The following LPP variants were observed in gnomAD, a reference collection of about 807,000 sequenced individuals.
LPP encodes lipoma-preferred partner.
Under a neutral mutation model 60.4 loss-of-function variants are expected in LPP, and 38 were observed. That is an observed-to-expected ratio of 0.63 (90% CI 0.49 to 0.83). LPP has a LOEUF of 0.83. Ranked by LOEUF, LPP falls within the 40% of genes least tolerant of loss-of-function variation. The pLI is 0.00. For synonymous variants in LPP, 328 were observed against 290.8 expected (o/e 1.13, Z -1.30); for missense variants, 902 against 783.6 (o/e 1.15, Z -1.80).
Position 188,449,449 on chromosome 3 carries a change from A to G in LPP, c.194-35143A>G, listed in dbSNP as rs144918747. Among the ~76,000 whole-genome samples, 15 of 152,332 alleles carry G rather than the reference A, an allele frequency of 9.8e-5. No homozygotes were observed. The East Asian group carries it at 2.9e-3, about 29-fold the overall frequency. ...TCCACAATAATCATGCCTAACATTT[A>G]TCAGCCACTTCCCATATGCTAGGCT... is the stretch of plus-strand genomic sequence containing the variant. On this transcript the variant is annotated intron_variant, in intron 4 of 11. Coordinates refer to ENST00000617246, the MANE Select transcript of LPP (RefSeq NM_001375462.1).
At chr3:188,203,506 TATA>T (rs1731964581) in intron 1 of LPP, among the ~76,000 whole-genome samples, 1 of 72,136 alleles carries the variant, frequency 1.4e-5, no homozygotes, top group Non-Finnish European at 2.6e-5. Flanking sequence ...TATATAAATA[TATA>T]TATTTAAATA....
intron 4 of LPP, among the ~76,000 whole-genome samples, chr3:188,448,880 A>G (rs1327249587): frequency 6.6e-6 from 1 of 152,226 alleles, no homozygotes; most frequent in African/African-American, 2.4e-5. Flanking sequence ...TTAGAATTAG[A>G]ATCAGAAATG....
At chr3:188,301,283 G>A (rs1749764366) in intron 2 of LPP, among the ~76,000 whole-genome samples, 1 of 152,162 alleles carries the variant, frequency 6.6e-6, no homozygotes, top group African/African-American at 2.4e-5. Context: ...GAAAACTTAT[G>A]AATTTCTTTA....
chr3:188,462,218 C>G (rs1799116622), intron 4 of LPP, among the ~76,000 whole-genome samples: 1 of 151,480 alleles, frequency 6.6e-6, no homozygotes, highest in South Asian at 2.1e-4. Context: ...GAAAAACTAA[C>G]TTTTAAAATA....
intron 1 of LPP, among the ~76,000 whole-genome samples, chr3:188,218,880 A>G (rs1306916862): frequency 6.6e-6 from 1 of 152,196 alleles, no homozygotes; most frequent in Non-Finnish European, 1.5e-5. Flanking sequence ...TATATTGCCC[A>G]AAGTGGGATT....
chr3:188,422,943 G>A (rs917641408), intron 4 of LPP, among the ~76,000 whole-genome samples: 1 of 151,450 alleles, frequency 6.6e-6, no homozygotes, highest in African/African-American at 2.4e-5. Flanking sequence ...GTGTGTGTGT[G>A]TGTGTGTGTG....
intron 9 of LPP, among the ~76,000 whole-genome samples, chr3:188,839,708 A>T (rs1325252231): frequency 6.6e-6 from 1 of 151,920 alleles, no homozygotes; most frequent in Non-Finnish European, 1.5e-5. Context: ...CCTCATCTCT[A>T]TTAAAAAAAA....
intron 3 of LPP, among the ~76,000 whole-genome samples, chr3:188,369,352 C>T (rs1772311868): frequency 6.6e-6 from 1 of 151,620 alleles, no homozygotes; most frequent in Non-Finnish European, 1.5e-5. Flanking sequence ...AAGGCAAGTA[C>T]ATTAAGCTTA....
intron 2 of LPP, among the ~76,000 whole-genome samples, chr3:188,259,292 T>C (rs930462263): frequency 2.6e-5 from 4 of 152,118 alleles, no homozygotes; most frequent in Admixed American, 1.3e-4. Flanking sequence ...TACACCCAAA[T>C]TCCCCAGCAT....
At chr3:188,315,564 A>G (rs1754782105) in intron 2 of LPP, among the ~76,000 whole-genome samples, 1 of 152,140 alleles carries the variant, frequency 6.6e-6, no homozygotes. Context: ...GTTTTGCTAA[A>G]TAGTGTTTTT....
intron 3 of LPP, among the ~76,000 whole-genome samples, chr3:188,368,719 C>CACACACAGAGAGAG (rs1257085181): frequency 1.0e-5 from 1 of 99,522 alleles, no homozygotes; most frequent in African/African-American, 3.2e-5. Flanking sequence ...CACACACACA[C>CACACACAGAGAGAG]AGAGAGAGAG....
chr3:188,627,517 G>A (rs2151664602), intron 7 of LPP, among the ~76,000 whole-genome samples: 1 of 152,126 alleles, frequency 6.6e-6, no homozygotes, highest in South Asian at 2.1e-4. Context: ...AAAACAGACT[G>A]TAAACCAACA....
chr3:188,461,821 A>G lies in LPP; in HGVS notation c.194-22771A>G, dbSNP rs145909220. 1.4e-4 allele frequency among the ~76,000 whole-genome samples: 21 copies of G among 152,252 alleles called. No individual in the cohort carries two copies. In the East Asian group the frequency reaches 3.9e-3, roughly 28 times the overall value. On this transcript the variant is annotated intron_variant, in intron 4 of 11. Transcript: ENST00000617246. ...AATTTTGCTATTCTAACATTGGAAA[A>G]TTTAGGCTGTTTTCAGTTTTTATCT... is the stretch of plus-strand genomic sequence containing the variant.
chr3:188,441,669 G>A (rs1793981316), intron 4 of LPP, among the ~76,000 whole-genome samples: 1 of 118,384 alleles, frequency 8.4e-6, no homozygotes, highest in African/African-American at 3.3e-5. Context: ...CGCCCAGGCT[G>A]GAGTGCAGTG....
chr3:188,167,116 A>G (rs1417220480), intron 1 of LPP, among the ~76,000 whole-genome samples: 1 of 152,212 alleles, frequency 6.6e-6, no homozygotes, highest in Admixed American at 6.5e-5. Context: ...TGAACTTCCA[A>G]TTCCTCATCT....
chr3:188,226,416 G>A, intron 2 of LPP, among the ~76,000 whole-genome samples: 1 of 152,308 alleles, frequency 6.6e-6, no homozygotes, highest in East Asian at 1.9e-4. Context: ...ACCAGGATGT[G>A]AGGTGCAAAT....
In LPP at chr3:188,612,298, G is replaced by T. The variant is rs978895761; in HGVS notation, c.1113+2454G>T. Among the ~76,000 whole-genome samples the T allele has an allele frequency of 2.6e-5, 4 of 152,116 alleles. No individual in the cohort carries two copies. The East Asian group carries it at 7.7e-4, about 29-fold the overall frequency. On this transcript the variant is annotated intron_variant, in intron 7 of 11. Transcript: ENST00000617246. ...GAAGTTATGGATAAATTCTGGGCGCGTTGTGAGGGCATTGGCTGATGAAAG... is the reference window on the plus strand; with the variant it reads ...GAAGTTATGGATAAATTCTGGGCGCTTTGTGAGGGCATTGGCTGATGAAAG...
intron 2 of LPP, among the ~76,000 whole-genome samples, chr3:188,321,142 G>C (rs925003917): frequency 6.6e-6 from 1 of 152,184 alleles, no homozygotes; most frequent in African/African-American, 2.4e-5. Flanking sequence ...GGGAGTACTT[G>C]TATCTCAATC....
At chr3:188,841,819 G>T (rs1760093142) in intron 9 of LPP, among the ~76,000 whole-genome samples, 1 of 152,156 alleles carries the variant, frequency 6.6e-6, no homozygotes, top group African/African-American at 2.4e-5. Flanking sequence ...GTGAATGAGA[G>T]TTTACTCATG....
Sources: gnomAD v4.1 joint callset for allele counts (sites outside exome capture counted in the v4.1 genomes callset) on GRCh38, gnomAD v4.1.1 for gene constraint, MANE v1.5 for transcripts, NCBI Gene and HGNC (gene_info 2026-07-23, HGNC 2026-07-21) for gene names.